The following SLC26A2 variants were observed in gnomAD, a reference collection of about 807,000 sequenced individuals.
SLC26A2 encodes sulfate transporter.
SLC26A2 carries 36 observed loss-of-function variants against 41.1 expected under a neutral mutation model. That is an observed-to-expected ratio of 0.88 (90% CI 0.67 to 1.16). The LOEUF is 1.16. Ranked by LOEUF, SLC26A2 falls within the 50% of genes most tolerant of loss-of-function variation. The probability of loss-of-function intolerance (pLI) is 0.00; values close to 1 mark genes in which losing one functional copy is unlikely to be tolerated. For synonymous variants in SLC26A2, 291 were observed against 311.6 expected, an observed-to-expected ratio of 0.93 and a Z score of 0.70; for missense variants, 796 against 869.6, an observed-to-expected ratio of 0.92 and a Z score of 1.07.
intron 1 of SLC26A2, among the ~76,000 whole-genome samples, chr5:149,965,025 T>C (rs943057641): frequency 1.3e-5 from 2 of 152,246 alleles, no homozygotes; most frequent in Admixed American, 6.5e-5. Context: ...TAACATCTTA[T>C]GAACTGTAAA....
chr5:149,977,726 C>T lies in SLC26A2; in HGVS notation c.74C>T (p.Ser25Phe). ...GCTGAAGGAAATGACAGTTATCCAT[C>T]TGGGATCCATCTGGAACTTCAAAGG... Reference protein sequence around the residue: ...DSAEGNDSYPSGIHLELQRES... With the variant: ...DSAEGNDSYPFGIHLELQRES... Residue 25 changes from serine (S) to phenylalanine (F), a missense_variant, in exon 2 of 3, where the codon TCT becomes TTT. Transcript: ENST00000286298. 6.2e-7 allele frequency: 1 copy of T among 1,613,768 alleles called. No homozygotes were observed. Among genetic ancestry groups the T allele is most frequent in the South Asian group, 1.1e-5 (1 of 91,076 alleles).
At chr5:149,969,290 T>TGGACATATAAATG (rs1288806449) in intron 1 of SLC26A2, among the ~76,000 whole-genome samples, 1 of 152,210 alleles carries the variant, frequency 6.6e-6, no homozygotes, top group Non-Finnish European at 1.5e-5. Context: ...AAACGTTTAT[T>TGGACATATAAATG]GAACATATAA....
chr5:149,982,418 G>T lies in SLC26A2; in HGVS notation c.*605G>T, dbSNP rs960480268. The stretch of plus-strand genomic sequence containing the variant: ...CATCAGAAGTCTAATACCTGGGCAG[G>T]TTTATAACATCCTGAGAGCCAGCCT... On this transcript the variant is annotated 3_prime_UTR_variant, in exon 3 of 3. Coordinates refer to ENST00000286298, the MANE Select transcript of SLC26A2 (RefSeq NM_000112.4). 1 of 152,286 alleles carries T rather than the reference G, an allele frequency of 6.6e-6. No individual in the cohort carries two copies. The highest frequency in any genetic ancestry group is 2.4e-5 in the African/African-American group (1 of 41,442). 9.4% of individuals were successfully genotyped at this position (152,286 alleles called of 1,614,324 possible). A position where few individuals can be genotyped will look rare whatever the true frequency, so the allele number is the denominator to read the frequency against.
intron 2 of SLC26A2, among the ~76,000 whole-genome samples, chr5:149,979,123 T>C (rs923202941): frequency 7.2e-5 from 11 of 152,198 alleles, no homozygotes; most frequent in Middle Eastern, 3.4e-3. Flanking sequence ...AGGGAAAAAG[T>C]TGGGGACCAC....
Position 149,981,424 on chromosome 5 carries a change from G to C in SLC26A2, c.1831G>C (p.Val611Leu), listed in dbSNP as rs764181468. 2.5e-6 allele frequency: 4 copies of C among 1,613,926 alleles called. No individual in the cohort carries two copies. Among genetic ancestry groups the C allele is most frequent in the Admixed American group, 1.7e-5 (1 of 59,992 alleles). The change falls in exon 3 of 3, where the codon GTG becomes CTG. Residue 611 changes from valine to leucine, a missense_variant. Val to Leu is a conservative substitution (Grantham distance 32). Transcript: ENST00000286298. ...AACTGTCAACCCAATCTTAATAAAG[G>C]TGGCTTGGAAGAAGGCAGCAAAGAG... ...KQTVNPILIKVAWKKAAKRKI... is the reference protein window; with the variant it reads ...KQTVNPILIKLAWKKAAKRKI...
At chr5:149,965,281 A>C (rs1754786755) in intron 1 of SLC26A2, among the ~76,000 whole-genome samples, 2 of 152,064 alleles carry the variant, frequency 1.3e-5, no homozygotes, top group Admixed American at 1.3e-4. Context: ...TGGAGATGAG[A>C]CCATCCTGGC....
chr5:149,980,405 A>G lies in SLC26A2; in HGVS notation c.812A>G (p.Tyr271Cys). Residue 271 changes from tyrosine (Y) to cysteine (C), a missense_variant, in exon 3 of 3, where the codon TAT becomes TGT. By Grantham distance (194) the Tyr-to-Cys change is radical. Coordinates refer to ENST00000286298, the MANE Select transcript of SLC26A2 (RefSeq NM_000112.4). ...ACTATTCTTACATCTCAGGCCAAGT[A>G]TCTTCTTGGGCTCAACCTTCCTCGG... The part of the protein sequence containing the change: ...SFTILTSQAK[Y>C]LLGLNLPRTN... 1.2e-6 allele frequency: 2 copies of G among 1,614,064 alleles called. No individual in the cohort carries two copies. Among genetic ancestry groups the G allele is most frequent in the Non-Finnish European group, 1.7e-6 (2 of 1,179,996 alleles).
Position 149,981,900 on chromosome 5 carries a change from C to G in SLC26A2, c.*87C>G. 9.6e-7 allele frequency: 1 copy of G among 1,044,996 alleles called. No homozygotes were observed. Among genetic ancestry groups the G allele is most frequent in the Non-Finnish European group, 1.4e-6 (1 of 701,270 alleles). 64.7% of individuals were successfully genotyped at this position (1,044,996 alleles called of 1,614,324 possible). A position where few individuals can be genotyped will look rare whatever the true frequency, so the allele number is the denominator to read the frequency against. On this transcript the variant is annotated 3_prime_UTR_variant, in exon 3 of 3. Coordinates refer to ENST00000286298, the MANE Select transcript of SLC26A2 (RefSeq NM_000112.4). ...CCCAGTTCCACAGTGGGAAATTTTG[C>G]ACACTTGAAATTTTAACCAAGTGGC...
chr5:149,972,578 C>G (rs1199059226), intron 1 of SLC26A2, among the ~76,000 whole-genome samples: 1 of 152,158 alleles, frequency 6.6e-6, no homozygotes, highest in Non-Finnish European at 1.5e-5. Flanking sequence ...TTCTTGGGAT[C>G]CCAAAATATG....
chr5:149,980,609 T>G lies in SLC26A2; in HGVS notation c.1016T>G (p.Val339Gly), dbSNP rs766441629. Residue 339 changes from valine (V) to glycine (G), a missense_variant, in exon 3 of 3, where the codon GTT becomes GGT. Val to Gly is a moderately radical substitution (Grantham distance 109). Coordinates refer to ENST00000286298, the MANE Select transcript of SLC26A2 (RefSeq NM_000112.4). The part of the protein sequence containing the change: ...LKAPIPIELV[V>G]VVAATLASHF... ...GCACCGATTCCTATTGAACTTGTTG[T>G]TGTTGTAGCAGCCACATTAGCCTCT... The G allele has an allele frequency of 5.6e-6, 9 of 1,614,000 alleles. No homozygotes were observed. Among genetic ancestry groups the G allele is most frequent in the Admixed American group, 1.7e-5 (1 of 60,000 alleles).
At chr5:149,967,102 G>T (rs146079523) in intron 1 of SLC26A2, among the ~76,000 whole-genome samples, 4 of 152,342 alleles carry the variant, frequency 2.6e-5, no homozygotes, top group African/African-American at 9.6e-5. Context: ...GTTCAAGGCT[G>T]CAGTGAACTA....
At position 149,981,881 on chromosome 5, in the gene SLC26A2, T is replaced by G; in HGVS notation, c.*68T>G. 8.0e-7 allele frequency: 1 copy of G among 1,256,896 alleles called. No individual in the cohort carries two copies. Among genetic ancestry groups the G allele is most frequent in the Non-Finnish European group, 1.1e-6 (1 of 879,206 alleles). The allele number at this position is 1,256,896 out of a possible 1,614,324, so 77.9% of individuals were successfully genotyped here. On this transcript the variant is annotated 3_prime_UTR_variant, in exon 3 of 3. Coordinates refer to ENST00000286298, the MANE Select transcript of SLC26A2 (RefSeq NM_000112.4). The stretch of plus-strand genomic sequence containing the variant: ...TTTCAAGTGTCCAACATTTCCCAGT[T>G]CCACAGTGGGAAATTTTGCACACTT...
rs1050949759 is a variant in SLC26A2 at position 149,964,547 on chromosome 5, G to A, written c.-26+3568G>A. Among the ~76,000 whole-genome samples, 3 of 152,040 alleles carry A rather than the reference G, an allele frequency of 2.0e-5. No homozygotes were observed. In the South Asian group the frequency reaches 6.2e-4, roughly 31 times the overall value. ...AATCCTAGCACTTTAGGAGGCCGAG[G>A]CGGGCGGATCACGAGGTCAGGAGCT... is the stretch of plus-strand genomic sequence containing the variant. On this transcript the variant is annotated intron_variant, in intron 1 of 2. Coordinates refer to ENST00000286298, the MANE Select transcript of SLC26A2 (RefSeq NM_000112.4).
At position 149,983,432 on chromosome 5, in the gene SLC26A2, A is replaced by G. The variant is rs887623923; in HGVS notation, c.*1619A>G. ...ATTATAATCAAGTGTAGGCTTCCTG[A>G]ATTTTGACATCCTTTTAGAACTTGG... is the stretch of plus-strand genomic sequence containing the variant. On this transcript the variant is annotated 3_prime_UTR_variant, in exon 3 of 3. Coordinates refer to ENST00000286298, the MANE Select transcript of SLC26A2 (RefSeq NM_000112.4). 2 of 152,108 alleles carry G rather than the reference A, an allele frequency of 1.3e-5. No homozygotes were observed. The highest frequency in any genetic ancestry group is 2.9e-5 in the Non-Finnish European group (2 of 68,028). 9.4% of individuals were successfully genotyped at this position (152,108 alleles called of 1,614,324 possible).
In SLC26A2 at chr5:149,977,837, C is replaced by T; in HGVS notation, c.185C>T (p.Ser62Leu). ...HRILIERQEK[S>L]DTNFKEFVIK... ...ATCCTTATTGAGCGTCAAGAGAAAT[C>T]AGATACAAACTTCAAGGAGTTTGTT... Residue 62 changes from serine to leucine, a missense_variant, in exon 2 of 3, where the codon TCA becomes TTA. Ser to Leu is a moderately radical substitution (Grantham distance 145). Coordinates refer to ENST00000286298, the MANE Select transcript of SLC26A2 (RefSeq NM_000112.4). 1 of 1,614,102 alleles carries T rather than the reference C, an allele frequency of 6.2e-7. No individual in the cohort carries two copies.
intron 1 of SLC26A2, among the ~76,000 whole-genome samples, chr5:149,976,633 T>G (rs2113694713): frequency 6.6e-6 from 1 of 152,350 alleles, no homozygotes; most frequent in East Asian, 1.9e-4. Context: ...TTAGACTTAC[T>G]ATTTGTTGTT....
chr5:149,974,034 C>T (rs1003392394), intron 1 of SLC26A2, among the ~76,000 whole-genome samples: 1 of 152,030 alleles, frequency 6.6e-6, no homozygotes, highest in African/African-American at 2.4e-5. Context: ...CTGTAATCCT[C>T]ACTACTCAGG....
intron 1 of SLC26A2, among the ~76,000 whole-genome samples, chr5:149,961,526 G>C (rs1754704830): frequency 6.6e-6 from 1 of 152,290 alleles, no homozygotes; most frequent in South Asian, 2.1e-4. Context: ...AGGGCCCAGA[G>C]CCTTGCCTAA....
Position 149,980,962 on chromosome 5 carries a change from G to A in SLC26A2, c.1369G>A (p.Gly457Ser). 1.2e-6 allele frequency: 2 copies of A among 1,614,114 alleles called. No individual in the cohort carries two copies. The highest frequency in any genetic ancestry group is 1.7e-6 in the Non-Finnish European group (2 of 1,180,002). The stretch of plus-strand genomic sequence containing the variant: ...AACAGGCTGCCATACTCAGCTTTCT[G>A]GTGTGGTAACAGCCCTGGTTCTTTT... Reference protein sequence around the residue: ...ESTGCHTQLSGVVTALVLLLV... With the variant: ...ESTGCHTQLSSVVTALVLLLV... Residue 457 changes from glycine (G) to serine (S), a missense_variant, in exon 3 of 3, where the codon GGT becomes AGT. Transcript: ENST00000286298.
Sources: gnomAD v4.1 joint callset for allele counts (sites outside exome capture counted in the v4.1 genomes callset) on GRCh38, gnomAD v4.1.1 for gene constraint, MANE v1.5 for transcripts, NCBI Gene and HGNC (gene_info 2026-07-23, HGNC 2026-07-21) for gene names.